The following ACTN4 variants were observed in gnomAD, a reference collection of about 807,000 sequenced individuals.
The protein encoded by ACTN4 is alpha-actinin-4.
In ACTN4, 18 loss-of-function variants were observed where a neutral mutation model predicts 114.2. That is an observed-to-expected ratio of 0.16 (90% CI 0.11 to 0.23). The LOEUF (loss-of-function observed/expected upper bound fraction) is 0.23, where lower values mean the gene tolerates loss of function less well. ACTN4 is among the 10% of genes least tolerant of loss of function. ACTN4 has a pLI of 1.00. For missense variants in ACTN4, 722 were observed against 1,262.9 expected, an observed-to-expected ratio of 0.57 and a Z score of 6.49; for synonymous variants, 515 against 506.3, an observed-to-expected ratio of 1.02 and a Z score of -0.23.
intron 1 of ACTN4, among the ~76,000 whole-genome samples, chr19:38,688,000 T>G (rs1329602210): frequency 7.3e-6 from 1 of 137,530 alleles, no homozygotes; most frequent in Non-Finnish European, 1.7e-5. Context: ...AATAAGCACA[T>G]GAAAAGGTGT....
In ACTN4 at chr19:38,724,010, A is replaced by G; in HGVS notation, c.1625A>G (p.Asn542Ser). Residue 542 changes from asparagine (N) to serine (S), a missense_variant, in exon 14 of 21, where the codon AAC becomes AGC. Around this residue, in one of 3 missense-constraint regions of ACTN4, gnomAD observed 523 missense variants for 875.9 expected, o/e 0.60. Coordinates refer to ENST00000252699, the MANE Select transcript of ACTN4 (RefSeq NM_004924.6). This position sits in a 1 kb window ranked among gnomAD's most constrained non-coding sequence, Gnocchi z 7.0. ...EYAKRAAPFN[N>S]WMESAMEDLQ... is the part of the protein sequence containing the mutation. ...GCCAAGCGCGCGGCCCCCTTCAACA[A>G]CTGGATGGAGAGCGCCATGGAGGAC... The G allele has an allele frequency of 2.5e-6, 4 of 1,613,548 alleles. No individual in the cohort carries two copies. The highest frequency in any genetic ancestry group is 3.4e-6 in the Non-Finnish European group (4 of 1,179,944).
At chr19:38,696,808 C>T (rs1021752541) in intron 1 of ACTN4, among the ~76,000 whole-genome samples, 1 of 152,182 alleles carries the variant, frequency 6.6e-6, no homozygotes, top group Non-Finnish European at 1.5e-5. Flanking sequence ...TGGGAGTTCC[C>T]TTCTGCGTCA....
At chr19:38,685,179 C>T (rs1233568903) in intron 1 of ACTN4, among the ~76,000 whole-genome samples, 1 of 152,108 alleles carries the variant, frequency 6.6e-6, no homozygotes, top group African/African-American at 2.4e-5. Flanking sequence ...CTCCTGACCT[C>T]GTGATCCACC....
At chr19:38,674,741 C>T (rs918791458) in intron 1 of ACTN4, among the ~76,000 whole-genome samples, 9 of 152,130 alleles carry the variant, frequency 5.9e-5, no homozygotes, top group African/African-American at 1.7e-4. Context: ...ACATTAGGGC[C>T]GAGTATCGAT....
At chr19:38,673,478 T>TATATATTCATATATATATATTC (rs1188898918) in intron 1 of ACTN4, among the ~76,000 whole-genome samples, 2 of 60,724 alleles carry the variant, frequency 3.3e-5, no homozygotes, top group Middle Eastern at 5.5e-3. Context: ...TATATATTTA[T>TATATATTCATATATATATATTC]ATATATATTC....
chr19:38,652,440 C>G (rs562062952), intron 1 of ACTN4, among the ~76,000 whole-genome samples: 2 of 152,138 alleles, frequency 1.3e-5, no homozygotes, highest in African/African-American at 4.8e-5. Context: ...ACTCACCTGG[C>G]TAAGAGTTGA....
intron 1 of ACTN4, among the ~76,000 whole-genome samples, chr19:38,696,272 C>T (rs1599813392): frequency 6.6e-6 from 1 of 152,108 alleles, no homozygotes; most frequent in South Asian, 2.1e-4. Flanking sequence ...CAGCACAGGG[C>T]CTGGCCCTCT....
At chr19:38,710,969 G>C (rs534263485) in intron 8 of ACTN4, 2 of 164,952 alleles carry the variant, frequency 1.2e-5, no homozygotes, top group Non-Finnish European at 2.7e-5. Flanking sequence ...GTCTTACTCC[G>C]TGGTGGGAGC....
At chr19:38,650,828 C>T (rs536468056) in intron 1 of ACTN4, among the ~76,000 whole-genome samples, 62 of 152,194 alleles carry the variant, frequency 4.1e-4, no homozygotes, top group Admixed American at 2.9e-3. Context: ...CTCCGTCTCC[C>T]GGGTTCAAGC....
chr19:38,722,217 C>G (rs1052016510), intron 12 of ACTN4, among the ~76,000 whole-genome samples: 3 of 152,158 alleles, frequency 2.0e-5, no homozygotes, highest in African/African-American at 7.2e-5. Context: ...CGCTGAGGGT[C>G]GCGCTGGTGA....
chr19:38,680,233 T>TG (rs923656797), intron 1 of ACTN4, among the ~76,000 whole-genome samples: 1 of 65,686 alleles, frequency 1.5e-5, no homozygotes, highest in African/African-American at 4.0e-5. Context: ...TTTTTTTTTT[T>TG]TTTTTTTTTT....
intron 1 of ACTN4, among the ~76,000 whole-genome samples, chr19:38,650,687 GCTCT>G (rs1337928559): frequency 2.0e-5 from 3 of 152,194 alleles, no homozygotes; most frequent in Non-Finnish European, 4.4e-5. Context: ...AATCTGTGTG[GCTCT>G]CTACCTTCCT....
intron 1 of ACTN4, among the ~76,000 whole-genome samples, chr19:38,651,047 C>G (rs966749407): frequency 6.6e-6 from 1 of 152,110 alleles, no homozygotes; most frequent in African/African-American, 2.4e-5. Context: ...TGGGTTTTTT[C>G]TACATTGCAG....
At chr19:38,694,955 A>G (rs532213727) in intron 1 of ACTN4, among the ~76,000 whole-genome samples, 3 of 152,028 alleles carry the variant, frequency 2.0e-5, no homozygotes, top group African/African-American at 2.4e-5. Context: ...GCTTACTGCA[A>G]CCTCTGCCTC....
chr19:38,671,016 A>C (rs1967111472), intron 1 of ACTN4, among the ~76,000 whole-genome samples: 1 of 151,364 alleles, frequency 6.6e-6, no homozygotes, highest in Admixed American at 6.6e-5. Flanking sequence ...CATGGTCTTG[A>C]CCCTGTCTCT....
At chr19:38,703,794 C>T (rs1345405854) in intron 3 of ACTN4, among the ~76,000 whole-genome samples, 2 of 151,920 alleles carry the variant, frequency 1.3e-5, no homozygotes, top group Admixed American at 6.6e-5. Flanking sequence ...AACTGGGTGG[C>T]GGGTTGGGGA....
intron 8 of ACTN4, among the ~76,000 whole-genome samples, chr19:38,712,397 A>C (rs1033997323): frequency 2.2e-4 from 33 of 151,990 alleles, no homozygotes; most frequent in African/African-American, 7.2e-4. Context: ...CCACCTGTGA[A>C]ATGGGCATCG....
At chr19:38,656,987 G>A (rs181316285) in intron 1 of ACTN4, among the ~76,000 whole-genome samples, 113 of 152,140 alleles carry the variant, frequency 7.4e-4, no homozygotes, top group African/African-American at 2.6e-3. Context: ...GTTCTGTTTT[G>A]ATTTTTTAGA....
At chr19:38,696,309 GA>G (rs1968090286) in intron 1 of ACTN4, among the ~76,000 whole-genome samples, 1 of 152,050 alleles carries the variant, frequency 6.6e-6, no homozygotes, top group South Asian at 2.1e-4. Context: ...TGCTTGTCCA[GA>G]GAATGAATAT....
Sources: allele counts gnomAD v4.1 joint callset (sites outside exome capture counted in the v4.1 genomes callset), GRCh38; gene constraint gnomAD v4.1.1; regional missense constraint gnomAD v4.1.1; non-coding constraint Gnocchi (gnomAD v3.1); transcripts MANE v1.5; gene names NCBI Gene and HGNC (gene_info 2026-07-23, HGNC 2026-07-21).